Variants in FHIT observed in about 807,000 individuals in gnomAD.
The protein encoded by FHIT is bis(5'-adenosyl)-triphosphatase.
A neutral mutation model predicts 17.9 loss-of-function variants in FHIT; 19 were observed. The ratio of observed to expected loss-of-function variants is 1.06; its 90% CI spans 0.74 to 1.56. The LOEUF is 1.56. Among genes scored for constraint, FHIT ranks in the 40% most tolerant of loss-of-function variants. The pLI is 0.00. For missense variants in FHIT, 248 were observed against 189.2 expected, an observed-to-expected ratio of 1.31 and a Z score of -1.82; for synonymous variants, 81 against 69.7, an observed-to-expected ratio of 1.16 and a Z score of -0.81.
At chr3:60,022,019 G>A (rs1700571022) in intron 5 of FHIT, among the ~76,000 whole-genome samples, 1 of 152,180 alleles carries the variant, frequency 6.6e-6, no homozygotes, top group South Asian at 2.1e-4. Context: ...TCAAAAATAA[G>A]AAATAGTATG....
intron 5 of FHIT, among the ~76,000 whole-genome samples, chr3:60,111,198 G>C (rs1704654927): frequency 6.6e-6 from 1 of 152,102 alleles, no homozygotes; most frequent in African/African-American, 2.4e-5. Flanking sequence ...CTTTTACAAA[G>C]ACTGTGTTCA....
chr3:60,517,252 G>T (rs2035193656), intron 5 of FHIT, among the ~76,000 whole-genome samples: 1 of 152,054 alleles, frequency 6.6e-6, no homozygotes, highest in Non-Finnish European at 1.5e-5. Context: ...TCATTCAGGA[G>T]GTGATTTGAG....
chr3:60,129,879 A>C (rs904608799), intron 5 of FHIT, among the ~76,000 whole-genome samples: 2 of 152,192 alleles, frequency 1.3e-5, no homozygotes, highest in Admixed American at 6.5e-5. Context: ...AATGATGCTT[A>C]GATTTCCATT....
rs113330197 is a variant in FHIT at position 60,331,098 on chromosome 3, A to T, written c.103+205762T>A. ...TCTTGTGCAATCTTAAGTCCAACTC[A>T]CCTACTGCCACTTTTCTCCTCACCT... On this transcript the variant is annotated intron_variant, in intron 5 of 9. Transcript: ENST00000492590. Among the ~76,000 whole-genome samples the T allele has an allele frequency of 3.9e-3, 587 of 152,108 alleles. 2 individuals are homozygous for T. Among genetic ancestry groups the T allele is most frequent in the African/African-American group, 0.013 (551 of 41,504 alleles).
At chr3:60,329,110 A>G (rs1210701772) in intron 5 of FHIT, among the ~76,000 whole-genome samples, 1 of 152,242 alleles carries the variant, frequency 6.6e-6, no homozygotes, top group Non-Finnish European at 1.5e-5. Flanking sequence ...AAGGATGAGA[A>G]CCATGACAAA....
intron 7 of FHIT, among the ~76,000 whole-genome samples, chr3:60,007,059 C>T (rs1699953088): frequency 6.6e-6 from 1 of 152,114 alleles, no homozygotes; most frequent in Admixed American, 6.6e-5. Context: ...GATTCAAGTA[C>T]CATAAACATA....
At chr3:60,305,534 A>G (rs1218835156) in intron 5 of FHIT, among the ~76,000 whole-genome samples, 3 of 152,164 alleles carry the variant, frequency 2.0e-5, no homozygotes, top group Non-Finnish European at 4.4e-5. Flanking sequence ...AACACTGTGC[A>G]TCTCCAATCT....
intron 4 of FHIT, among the ~76,000 whole-genome samples, chr3:60,727,993 G>A (rs1716754): frequency 2.6e-5 from 4 of 152,136 alleles, no homozygotes; most frequent in African/African-American, 7.2e-5. Flanking sequence ...GACAGGGCGA[G>A]ACTCCGTCTC....
chr3:60,642,344 A>T (rs1553685520), intron 4 of FHIT, among the ~76,000 whole-genome samples: 7 of 152,202 alleles, frequency 4.6e-5, no homozygotes, highest in Non-Finnish European at 1.0e-4. Flanking sequence ...AGTTAGTTAG[A>T]AATGATGGCC....
intron 5 of FHIT, among the ~76,000 whole-genome samples, chr3:60,191,209 T>C (rs1170377757): frequency 1.3e-5 from 2 of 152,108 alleles, no homozygotes; most frequent in South Asian, 4.1e-4. Context: ...TTGGTACCAA[T>C]GCCAACAACC....
At chr3:60,598,419 G>T (rs1364013286) in intron 4 of FHIT, among the ~76,000 whole-genome samples, 3 of 152,062 alleles carry the variant, frequency 2.0e-5, no homozygotes, top group African/African-American at 7.2e-5. Context: ...AATGAATAGG[G>T]TTATAATATT....
intron 5 of FHIT, among the ~76,000 whole-genome samples, chr3:60,206,197 G>C (rs567275312): frequency 6.9e-4 from 101 of 146,142 alleles, no homozygotes; most frequent in Non-Finnish European, 1.3e-3. Flanking sequence ...AATGAGCCCA[G>C]GTAGATGATC....
At chr3:60,478,457 C>A (rs1041307786) in intron 5 of FHIT, among the ~76,000 whole-genome samples, 10 of 152,156 alleles carry the variant, frequency 6.6e-5, no homozygotes, top group Non-Finnish European at 1.2e-4. Context: ...ATCTCTAGAC[C>A]TAACTATGAT....
At position 60,567,915 on chromosome 3, in the gene FHIT, C is replaced by A. The variant is rs1365594835; in HGVS notation, c.-17-30936G>T. ...AAACAAATCCGCAATGAGATACCAT[C>A]TCTCACCAGTTAGAATGGCAATCAT... On this transcript the variant is annotated intron_variant, in intron 4 of 9. Transcript: ENST00000492590. Among the ~76,000 whole-genome samples, 7 of 152,218 alleles carry A rather than the reference C, an allele frequency of 4.6e-5. No homozygotes were observed. In the East Asian group the frequency reaches 1.2e-3, roughly 25 times the overall value.
chr3:60,981,926 A>C (rs1250831235), intron 3 of FHIT, among the ~76,000 whole-genome samples: 1 of 152,146 alleles, frequency 6.6e-6, no homozygotes, highest in East Asian at 1.9e-4. Flanking sequence ...CATAAGAAAG[A>C]CGTGTCAATT....
At chr3:59,764,202 T>G (rs1559583806) in intron 8 of FHIT, among the ~76,000 whole-genome samples, 2 of 152,138 alleles carry the variant, frequency 1.3e-5, no homozygotes, top group African/African-American at 4.8e-5. Context: ...TATTTGCACA[T>G]GTGGTGACTA....
chr3:60,964,444 T>C (rs1227274279), intron 3 of FHIT, among the ~76,000 whole-genome samples: 3 of 152,180 alleles, frequency 2.0e-5, no homozygotes, highest in Middle Eastern at 3.2e-3. Context: ...TTAAGGTTAA[T>C]ATTATTATGT....
intron 3 of FHIT, among the ~76,000 whole-genome samples, chr3:60,907,553 T>C (rs1553764863): frequency 6.6e-6 from 1 of 152,198 alleles, no homozygotes; most frequent in Non-Finnish European, 1.5e-5. Flanking sequence ...CATATCAATG[T>C]TAAATTTCAT....
In FHIT at chr3:60,167,628, C is replaced by G. The variant is rs375972467; in HGVS notation, c.104-153476G>C. Among the ~76,000 whole-genome samples, 10 of 152,358 alleles carry G rather than the reference C, an allele frequency of 6.6e-5. No individual in the cohort carries two copies. In the East Asian group the frequency reaches 1.3e-3, roughly 21 times the overall value. On this transcript the variant is annotated intron_variant, in intron 5 of 9. Coordinates refer to ENST00000492590, the MANE Select transcript of FHIT (RefSeq NM_002012.4). ...CTATGTTCTGATATCTGTGAATGAA[C>G]TGCACAGTCTTCATTAATTTCACAG...
Sources: allele counts gnomAD v4.1 joint callset (sites outside exome capture counted in the v4.1 genomes callset), GRCh38; gene constraint gnomAD v4.1.1; transcripts MANE v1.5; gene names NCBI Gene and HGNC (gene_info 2026-07-23, HGNC 2026-07-21).